Variants in AKAP9 observed in about 807,000 individuals in gnomAD.
AKAP9 encodes A-kinase anchor protein 9.
A neutral mutation model predicts 488.5 loss-of-function variants in AKAP9; 311 were observed. That is an observed-to-expected ratio of 0.64 (90% confidence interval 0.58 to 0.70). The LOEUF (loss-of-function observed/expected upper bound fraction) is 0.70, where lower values mean the gene tolerates loss of function less well. Among genes scored for constraint, AKAP9 ranks in the 30% least tolerant of loss-of-function variants. The pLI is 0.00. For missense variants in AKAP9, 4,215 were observed against 4,374.5 expected, an observed-to-expected ratio of 0.96 and a Z score of 1.03; for synonymous variants, 1,462 against 1,483.5, an observed-to-expected ratio of 0.99 and a Z score of 0.33.
At chr7:92,066,639 T>A in intron 26 of AKAP9, 93 bp downstream of exon 26, 1 of 1,461,832 alleles carries the variant, frequency 6.8e-7, no homozygotes, top group East Asian at 2.3e-5. Flanking sequence ...GTGGATTCTT[T>A]CCTTTGTATG....
intron 15 of AKAP9, 64 bp downstream of exon 15, chr7:92,030,055 G>A (rs1431686320): frequency 1.7e-6 from 2 of 1,143,994 alleles, no homozygotes; most frequent in South Asian, 1.3e-5. Context: ...TCATTTTTAT[G>A]TCTGGTTTAC....
At chr7:92,009,565 G>A (rs1193241555) in intron 8 of AKAP9, among the ~76,000 whole-genome samples, 1 of 152,026 alleles carries the variant, frequency 6.6e-6, no homozygotes, top group Non-Finnish European at 1.5e-5. Context: ...ATATATAATT[G>A]CTTAATAAAA....
chr7:92,006,500 G>C (rs1357342636), intron 8 of AKAP9, among the ~76,000 whole-genome samples: 1 of 152,100 alleles, frequency 6.6e-6, no homozygotes, highest in Non-Finnish European at 1.5e-5. Flanking sequence ...ACTTTTGATG[G>C]CATTCAGATT....
At chr7:91,989,738 C>A (rs1797539035) in intron 3 of AKAP9, among the ~76,000 whole-genome samples, 1 of 151,998 alleles carries the variant, frequency 6.6e-6, no homozygotes, top group Admixed American at 6.6e-5. Flanking sequence ...TTATAATTTT[C>A]ATGAACTTTT....
Position 91,992,895 on chromosome 7 carries a change from T to C in AKAP9, c.416T>C (p.Phe139Ser). The C allele has an allele frequency of 6.2e-7, 1 of 1,613,686 alleles. No individual in the cohort carries two copies. The highest frequency in any genetic ancestry group is 8.5e-7 in the Non-Finnish European group (1 of 1,179,778). Residue 139 changes from phenylalanine (F) to serine (S), a missense_variant, in exon 5 of 50, where the codon TTT becomes TCT. Physicochemically the swap from Phe to Ser is radical, Grantham distance 155 (BLOSUM62 -2). Coordinates refer to ENST00000356239, the MANE Select transcript of AKAP9 (RefSeq NM_005751.5). ...CTTGGATTGATTTAGGAAGAAGAAT[T>C]TGGTGTTGATGATTCTTATTCTGAA... ...KPTNLLREEE[F>S]GVDDSYSEQG... is the part of the protein sequence containing the mutation.
At chr7:92,083,869 G>A (rs2130871654) in intron 33 of AKAP9, among the ~76,000 whole-genome samples, 1 of 152,142 alleles carries the variant, frequency 6.6e-6, no homozygotes, top group South Asian at 2.1e-4. Context: ...GGATACACGT[G>A]CAGGATGTGC....
In AKAP9 at chr7:92,024,493, A is replaced by G. The variant is rs115934932; in HGVS notation, c.4148+1484A>G. Among the ~76,000 whole-genome samples, 1,001 of 151,022 alleles carry G rather than the reference A, an allele frequency of 6.6e-3. 18 individuals carry two copies. The highest frequency in any genetic ancestry group is 0.023 in the African/African-American group (963 of 41,286). ...AAATATGTGTAAATTTGGAGGGGGT[A>G]GATTCATTTTTATTTTGTTTATTGT... On this transcript the variant is annotated intron_variant, in intron 14 of 49. Coordinates refer to ENST00000356239, the MANE Select transcript of AKAP9 (RefSeq NM_005751.5).
chr7:92,071,678 TTATCA>T (rs1488637206), intron 28 of AKAP9, among the ~76,000 whole-genome samples: 1 of 152,190 alleles, frequency 6.6e-6, no homozygotes, highest in Non-Finnish European at 1.5e-5. Context: ...TAGCTATATC[TTATCA>T]TTTAAAATGT....
In AKAP9 at chr7:92,001,650, C is replaced by A; in HGVS notation, c.1733C>A (p.Ala578Glu). The change falls in exon 8 of 50, where the codon GCA becomes GAA. Residue 578 changes from alanine (A) to glutamate (E), a missense_variant. Ala to Glu is a moderately radical substitution (Grantham distance 107). Around this residue, in one of 5 missense-constraint regions of AKAP9, gnomAD observed 2,361 missense variants for 2,430.0 expected, o/e 0.97. Transcript: ENST00000356239. ...VEDLKAEIVS[A>E]SESRKELELK... is the part of the protein sequence containing the mutation. ...GATTTGAAAGCTGAGATTGTTTCTG[C>A]ATCTGAATCCAGAAAGGAACTAGAA... 6.2e-7 allele frequency: 1 copy of A among 1,612,856 alleles called. No homozygotes were observed. The highest frequency in any genetic ancestry group is 2.2e-5 in the East Asian group (1 of 44,832).
chr7:92,033,442 CTTTTTT>C (rs35497475), intron 16 of AKAP9, among the ~76,000 whole-genome samples: 1 of 107,374 alleles, frequency 9.3e-6, no homozygotes, highest in Non-Finnish European at 1.9e-5. Context: ...CTTTTCTTTT[CTTTTTT>C]TTTTTTTTTT....
At chr7:91,949,770 T>G (rs772126435) in intron 1 of AKAP9, among the ~76,000 whole-genome samples, 1 of 152,222 alleles carries the variant, frequency 6.6e-6, no homozygotes, top group Non-Finnish European at 1.5e-5. Context: ...GGAGTAGTTT[T>G]GCTTAGGTTC....
intron 1 of AKAP9, among the ~76,000 whole-genome samples, chr7:91,954,111 A>C (rs1792637510): frequency 6.6e-6 from 1 of 152,104 alleles, no homozygotes; most frequent in South Asian, 2.1e-4. Flanking sequence ...CTGAAAAGCC[A>C]TTGGAAACTG....
rs572049998 is a variant in AKAP9 at position 92,016,402 on chromosome 7, A to G, written c.3751+135A>G. The G allele has an allele frequency of 6.1e-5, 39 of 644,030 alleles. No homozygotes were observed. The East Asian group carries it at 1.1e-3, about 18-fold the overall frequency. The allele number at this position is 644,030 out of a possible 1,614,324, so 39.9% of individuals were successfully genotyped here. ...TCTTAACATTTTATCCTCCTTTCAGATTCATGAAATCTCATATTTAATACA... is the reference window on the plus strand; with the variant it reads ...TCTTAACATTTTATCCTCCTTTCAGGTTCATGAAATCTCATATTTAATACA... On this transcript the variant is annotated intron_variant, in intron 11 of 49. Transcript: ENST00000356239.
At chr7:91,948,647 T>C (rs1196679042) in intron 1 of AKAP9, among the ~76,000 whole-genome samples, 2 of 149,518 alleles carry the variant, frequency 1.3e-5, no homozygotes, top group African/African-American at 2.5e-5. Context: ...GTTTTGCTCT[T>C]GTCTCCCAGG....
rs71528033 is a variant in AKAP9, at chr7:92,061,584, C to CTATATATATATATATATATA, written c.5764+179_5764+198dup. ...GAGTTCCTCCAAGCAATTTTTAAAACTATATATATATATATATATATATAT... is the reference window on the plus strand; with the variant it reads ...GAGTTCCTCCAAGCAATTTTTAAAACTATATATATATATATATATATATATATATATATATATATATATAT... On this transcript the variant is annotated intron_variant, in intron 23 of 49. Transcript: ENST00000356239. Among the ~76,000 whole-genome samples, 295 of 102,364 alleles carry CTATATATATATATATATATA rather than the reference C, an allele frequency of 2.9e-3. 2 individuals are homozygous for CTATATATATATATATATATA. Among genetic ancestry groups the CTATATATATATATATATATA allele is most frequent in the East Asian group, 5.8e-3 (15 of 2,604 alleles). The allele number at this position is 102,364 out of a possible 152,430, so 67.2% of individuals were successfully genotyped here.
Position 92,099,869 on chromosome 7 carries a change from TG to T in AKAP9, c.10896+1del, listed in dbSNP as rs748765983. 1 of 1,613,874 alleles carries T rather than the reference TG, an allele frequency of 6.2e-7. No homozygotes were observed. Among genetic ancestry groups the T allele is most frequent in the South Asian group, 1.1e-5 (1 of 91,080 alleles). ...GACAGACAGGAGCTGGTAGAGATAA[TG>T]TATGTCCATTTTTAGCATCTCCATA... On this transcript the variant is annotated splice_donor_variant, in intron 44 of 49. Coordinates refer to ENST00000356239, the MANE Select transcript of AKAP9 (RefSeq NM_005751.5). LOFTEE classifies it high-confidence loss of function.
chr7:92,062,398 G>A lies in AKAP9; in HGVS notation c.5889G>A (p.Glu1963=). ...LCASNRLQEL[E]AEQQQIQEER... ...CAAGTAACAGGTTGCAAGAATTGGA[G>A]GCAGAGCAACAGCAGATCCAAGAAG... The change falls in exon 24 of 50, where the codon GAG becomes GAA. Residue 1963 remains glutamate (E), a synonymous_variant. Transcript: ENST00000356239. 1 of 1,613,882 alleles carries A rather than the reference G, an allele frequency of 6.2e-7. No individual in the cohort carries two copies. Among genetic ancestry groups the A allele is most frequent in the Non-Finnish European group, 8.5e-7 (1 of 1,179,858 alleles).
At chr7:91,970,530 C>T in intron 1 of AKAP9, 1 of 454,686 alleles carries the variant, frequency 2.2e-6, no homozygotes. Context: ...TGAATTCTCT[C>T]AGCTTTTGTT....
At chr7:91,986,209 C>G (rs1047598649) in intron 3 of AKAP9, among the ~76,000 whole-genome samples, 1 of 152,174 alleles carries the variant, frequency 6.6e-6, no homozygotes, top group African/African-American at 2.4e-5. Context: ...GAGCCAGGCA[C>G]GGGAGAGAAT....
Sources: gnomAD v4.1 joint callset for allele counts (sites outside exome capture counted in the v4.1 genomes callset) on GRCh38, gnomAD v4.1.1 for gene constraint, gnomAD v4.1.1 regional missense constraint, MANE v1.5 for transcripts, NCBI Gene and HGNC (gene_info 2026-07-23, HGNC 2026-07-21) for gene names.